VCAN: variants seen among roughly 807,000 people sequenced by gnomAD.
VCAN encodes the protein versican.
A neutral mutation model predicts 245.5 loss-of-function variants in VCAN; 44 were observed. The ratio of observed to expected loss-of-function variants is 0.18; its 90% CI spans 0.14 to 0.23. VCAN has a LOEUF of 0.23. VCAN is among the 10% of genes least tolerant of loss of function. VCAN has a pLI of 1.00. For missense variants in VCAN, 3,793 were observed against 4,057.9 expected (o/e 0.93, Z 1.77); for synonymous variants, 1,413 against 1,437.0 (o/e 0.98, Z 0.38).
intron 6 of VCAN, among the ~76,000 whole-genome samples, chr5:83,515,346 A>T (rs570297125): frequency 6.6e-6 from 1 of 152,374 alleles, no homozygotes; most frequent in African/African-American, 2.4e-5. Flanking sequence ...CTCTCACAGA[A>T]TGTGATTAAT....
At chr5:83,511,112 G>T (rs1235982260) in intron 5 of VCAN, among the ~76,000 whole-genome samples, 1 of 151,880 alleles carries the variant, frequency 6.6e-6, no homozygotes, top group Admixed American at 6.6e-5. Context: ...TCCATCTGGG[G>T]CCCGAGTGAG....
At chr5:83,517,227 T>G (rs915179406) in intron 6 of VCAN, among the ~76,000 whole-genome samples, 1 of 152,292 alleles carries the variant, frequency 6.6e-6, no homozygotes, top group South Asian at 2.1e-4. Flanking sequence ...TTTAAAACAC[T>G]ATAAACATAT....
At position 83,538,335 on chromosome 5, in the gene VCAN, A is replaced by G. The variant is rs1746812214; in HGVS notation, c.5332A>G (p.Thr1778Ala). The G allele has an allele frequency of 6.2e-7, 1 of 1,614,066 alleles. No homozygotes were observed. Reference sequence around the variant, plus strand: ...CAGGAAAAGTTTTATGTCCTTGACAACACCAACACAGTCTGAAAGGGAAAT... The same window carrying G: ...CAGGAAAAGTTTTATGTCCTTGACAGCACCAACACAGTCTGAAAGGGAAAT... ...GTRKSFMSLT[T>A]PTQSEREMTD... is the part of the protein sequence containing the mutation. Residue 1778 changes from threonine (T) to alanine (A), a missense_variant, in exon 8 of 15, where the codon ACA becomes GCA. Coordinates refer to ENST00000265077, the MANE Select transcript of VCAN (RefSeq NM_004385.5).
chr5:83,478,480 C>G (rs1297279144), intron 1 of VCAN, among the ~76,000 whole-genome samples: 1 of 152,064 alleles, frequency 6.6e-6, no homozygotes, highest in East Asian at 1.9e-4. Flanking sequence ...CAATATCACC[C>G]AAGACAAATG....
In VCAN at chr5:83,541,364, T is replaced by G; in HGVS notation, c.8361T>G (p.Leu2787=). 6.2e-7 allele frequency: 1 copy of G among 1,614,094 alleles called. No individual in the cohort carries two copies. The highest frequency in any genetic ancestry group is 1.1e-5 in the South Asian group (1 of 91,074). Residue 2787 remains leucine (L), a synonymous_variant, in exon 8 of 15, where the codon CTT becomes CTG. Transcript: ENST00000265077. The part of the protein sequence containing the change: ...TPYLSIATTH[L]MDQSVTEVPD... ...ATCTAAGTATTGCTACTACCCACCT[T>G]ATGGATCAGAGTGTAACAGAGGTGC...
At position 83,522,010 on chromosome 5, in the gene VCAN, T is replaced by G. The variant is rs775716241; in HGVS notation, c.3704T>G (p.Leu1235Arg). Reference protein sequence around the residue: ...PSSAITKKPPLIDREPGEETT... With the variant: ...PSSAITKKPPRIDREPGEETT... ...TCCGCGATCACTAAGAAACCACCTC[T>G]CATCGACAGGGAACCTGGTGAAGAA... Residue 1235 changes from leucine to arginine, a missense_variant, in exon 7 of 15, where the codon CTC (leucine) becomes CGC (arginine). Physicochemically the swap from Leu to Arg is moderately radical, Grantham distance 102. Coordinates refer to ENST00000265077, the MANE Select transcript of VCAN (RefSeq NM_004385.5). 6.2e-7 allele frequency: 1 copy of G among 1,614,202 alleles called. No homozygotes were observed. The highest frequency in any genetic ancestry group is 1.1e-5 in the South Asian group (1 of 91,084).
intron 7 of VCAN, chr5:83,536,753 T>C: frequency 3.2e-6 from 1 of 315,322 alleles, no homozygotes; most frequent in Non-Finnish European, 5.8e-6. Context: ...AGGACTATGT[T>C]GTTTTCTTAA....
intron 8 of VCAN, among the ~76,000 whole-genome samples, chr5:83,544,158 C>G (rs1454437084): frequency 6.6e-6 from 1 of 152,240 alleles, no homozygotes; most frequent in Non-Finnish European, 1.5e-5. Context: ...TAACTGCAGC[C>G]TTGTCATCCT....
rs73148646 is a variant in VCAN, at chr5:83,550,096, G to A, written c.9493+2012G>A. 1.7e-3 allele frequency among the ~76,000 whole-genome samples: 260 copies of A among 152,328 alleles called. 2 individuals carry two copies. The highest frequency in any genetic ancestry group is 6.0e-3 in the African/African-American group (249 of 41,578). On this transcript the variant is annotated intron_variant, in intron 10 of 14. Coordinates refer to ENST00000265077, the MANE Select transcript of VCAN (RefSeq NM_004385.5). ...GAACAGTAGAGAGGCAGTTCTGGCT[G>A]CACAAACTGCCCTTGCCAAAGTCAG...
At position 83,538,104 on chromosome 5, in the gene VCAN, G is replaced by T. The variant is rs538311388; in HGVS notation, c.5101G>T (p.Val1701Leu). ...PVSEQPSAKVVPTKFVSETDT... is the reference protein window; with the variant it reads ...PVSEQPSAKVLPTKFVSETDT... ...TTCTGAACAACCTTCTGCAAAAGTGGTGCCTACCAAGTTTGTAAGTGAAAC... is the reference window on the plus strand; with the variant it reads ...TTCTGAACAACCTTCTGCAAAAGTGTTGCCTACCAAGTTTGTAAGTGAAAC... The change falls in exon 8 of 15, where the codon GTG becomes TTG. Residue 1701 changes from valine (V) to leucine (L), a missense_variant. Val to Leu is a conservative substitution (Grantham distance 32). Transcript: ENST00000265077. The T allele has an allele frequency of 3.1e-6, 5 of 1,614,048 alleles. No homozygotes were observed. The highest frequency in any genetic ancestry group is 1.7e-5 in the Admixed American group (1 of 59,986).
rs142148754 is a variant in VCAN, at chr5:83,490,215, G to T, written c.188G>T (p.Arg63Leu). The change falls in exon 3 of 15, where the codon CGC becomes CTC. Residue 63 changes from arginine to leucine, a missense_variant. By Grantham distance (102) the Arg-to-Leu change is moderately radical. Around this residue, in one of 5 missense-constraint regions of VCAN, gnomAD observed 179 missense variants for 169.7 expected, o/e 1.05. Transcript: ENST00000265077. ...PPSYNTSEFL[R>L]IKWSKIEVDK... ...AGTTACAACACCAGTGAATTTCTCC[G>T]CATCAAATGGTCTAAGATTGAAGTG... is the stretch of plus-strand genomic sequence containing the variant. 2 of 1,614,098 alleles carry T rather than the reference G, an allele frequency of 1.2e-6. No individual in the cohort carries two copies. The highest frequency in any genetic ancestry group is 1.7e-6 in the Non-Finnish European group (2 of 1,180,022).
At chr5:83,510,887 G>C (rs544466397) in intron 5 of VCAN, among the ~76,000 whole-genome samples, 3 of 152,202 alleles carry the variant, frequency 2.0e-5, no homozygotes, top group Admixed American at 2.0e-4. Context: ...AGGCCGAGGC[G>C]GGTGGATCAC....
chr5:83,489,047 A>G (rs892970144), intron 2 of VCAN, among the ~76,000 whole-genome samples: 2 of 152,202 alleles, frequency 1.3e-5, no homozygotes, highest in Admixed American at 1.3e-4. Context: ...ATCATTTCCA[A>G]TGCATGCCCA....
chr5:83,499,582 AT>A (rs946327655), intron 5 of VCAN, among the ~76,000 whole-genome samples: 63 of 151,692 alleles, frequency 4.2e-4, no homozygotes, highest in Non-Finnish European at 1.3e-4. Flanking sequence ...TCCTCTTTGT[AT>A]TTCTCCTCTC....
At position 83,529,453 on chromosome 5, in the gene VCAN, T is replaced by C. The variant is rs1306960841; in HGVS notation, c.4003+7144T>C. ...AGCATTTACATTGTATTAGTTATTA[T>C]AAGTAATTTAAATGATTACTTATAA... On this transcript the variant is annotated intron_variant, in intron 7 of 14. Coordinates refer to ENST00000265077, the MANE Select transcript of VCAN (RefSeq NM_004385.5). 6.6e-5 allele frequency among the ~76,000 whole-genome samples: 10 copies of C among 152,030 alleles called. No homozygotes were observed. In the East Asian group the frequency reaches 1.9e-3, roughly 29 times the overall value.
chr5:83,541,361 C>T lies in VCAN; in HGVS notation c.8358C>T (p.His2786=), dbSNP rs748501796. Residue 2786 remains histidine, a synonymous_variant, in exon 8 of 15, where the codon CAC becomes CAT. Coordinates refer to ENST00000265077, the MANE Select transcript of VCAN (RefSeq NM_004385.5). The part of the protein sequence containing the change: ...HTPYLSIATT[H]LMDQSVTEVP... ...CCTATCTAAGTATTGCTACTACCCA[C>T]CTTATGGATCAGAGTGTAACAGAGG... 1.9e-6 allele frequency: 3 copies of T among 1,613,968 alleles called. No individual in the cohort carries two copies. In the Admixed American group the frequency reaches 5.0e-5, roughly 27 times the overall value.
At chr5:83,542,405 G>C (rs776848991) in intron 8 of VCAN, 137 bp downstream of exon 8, 106 of 946,544 alleles carry the variant, frequency 1.1e-4, no homozygotes, top group Non-Finnish European at 1.7e-4. Context: ...AGCAGGCCAG[G>C]CCACAGTATT....
At chr5:83,557,793 C>A (rs1278892363) in intron 12 of VCAN, among the ~76,000 whole-genome samples, 1 of 152,106 alleles carries the variant, frequency 6.6e-6, no homozygotes, top group Non-Finnish European at 1.5e-5. Context: ...ACAACATAAA[C>A]AAGAACCCTA....
intron 3 of VCAN, among the ~76,000 whole-genome samples, chr5:83,491,475 A>T (rs1465816949): frequency 1.3e-5 from 2 of 152,084 alleles, no homozygotes; most frequent in Non-Finnish European, 2.9e-5. Flanking sequence ...CCTTCTATAA[A>T]TCTATTTTTA....
Sources: gnomAD v4.1 joint callset for allele counts (sites outside exome capture counted in the v4.1 genomes callset) on GRCh38, gnomAD v4.1.1 for gene constraint, gnomAD v4.1.1 regional missense constraint, MANE v1.5 for transcripts, NCBI Gene and HGNC (gene_info 2026-07-23, HGNC 2026-07-21) for gene names.